Variants in DPYSL5 observed in about 807,000 individuals in gnomAD.
DPYSL5 encodes dihydropyrimidinase-related protein 5.
Under a neutral mutation model 58.4 loss-of-function variants are expected in DPYSL5, and 9 were observed. That is an observed-to-expected ratio of 0.15 (90% CI 0.09 to 0.27). DPYSL5 has a LOEUF of 0.27. Among genes scored for constraint, DPYSL5 ranks in the 10% least tolerant of loss-of-function variants. The pLI is 1.00. For synonymous variants in DPYSL5, 293 were observed against 301.9 expected (o/e 0.97, Z 0.31); for missense variants, 499 against 770.6 (o/e 0.65, Z 4.17).
At chr2:26,902,321 G>T (rs1664179739) in intron 2 of DPYSL5, among the ~76,000 whole-genome samples, 1 of 151,986 alleles carries the variant, frequency 6.6e-6, no homozygotes, top group African/African-American at 2.4e-5. Flanking sequence ...GTATTACAGA[G>T]TAAAGAATGT....
intron 1 of DPYSL5, among the ~76,000 whole-genome samples, chr2:26,859,898 T>C (rs1665967943): frequency 6.6e-6 from 1 of 152,218 alleles, no homozygotes; most frequent in African/African-American, 2.4e-5. Context: ...GAGATGGGCT[T>C]GAACCTCCTC....
At chr2:26,897,293 G>A (rs1421117927) in intron 1 of DPYSL5, among the ~76,000 whole-genome samples, 1 of 152,088 alleles carries the variant, frequency 6.6e-6, no homozygotes, top group African/African-American at 2.4e-5. Flanking sequence ...TTAGCTGTAG[G>A]TTTTTTTGTA....
Position 26,942,182 on chromosome 2 carries a change from C to T in DPYSL5, c.1232+90C>T, listed in dbSNP as rs569396889. The T allele has an allele frequency of 6.1e-5, 96 of 1,563,180 alleles. No individual in the cohort carries two copies. Among genetic ancestry groups the T allele is most frequent in the Non-Finnish European group, 8.1e-5 (94 of 1,154,408 alleles). On this transcript the variant is annotated intron_variant, in intron 10 of 12. Coordinates refer to ENST00000288699, the MANE Select transcript of DPYSL5 (RefSeq NM_020134.4). This position sits in a 1 kb window ranked among gnomAD's most constrained non-coding sequence, Gnocchi z 5.9. ...AGATCTCCAAAAGCATATAATTTTG[C>T]ACTATTTCTAGCACAAAATATGGCC...
At chr2:26,906,044 C>T (rs1333074910) in intron 2 of DPYSL5, among the ~76,000 whole-genome samples, 5 of 152,062 alleles carry the variant, frequency 3.3e-5, no homozygotes, top group Non-Finnish European at 4.4e-5. Flanking sequence ...CAGCCTGGGG[C>T]GGATCTCAGT....
chr2:26,869,378 A>C (rs1663199602), intron 1 of DPYSL5, among the ~76,000 whole-genome samples: 1 of 152,188 alleles, frequency 6.6e-6, no homozygotes, highest in African/African-American at 2.4e-5. Context: ...AGATTTTTAC[A>C]GTTGTGTAAC....
intron 2 of DPYSL5, among the ~76,000 whole-genome samples, chr2:26,906,928 G>GT (rs922729871): frequency 1.1e-4 from 16 of 151,492 alleles, no homozygotes; most frequent in Non-Finnish European, 1.0e-4. Flanking sequence ...GCCCAGCTAA[G>GT]TTTTTTATTT....
rs777111789 is a variant in DPYSL5, at chr2:26,927,390, A to C, written c.558A>C (p.Ala186=). 4.3e-6 allele frequency: 7 copies of C among 1,614,224 alleles called. No individual in the cohort carries two copies. The highest frequency in any genetic ancestry group is 3.3e-5 in the Admixed American group (2 of 60,032). The stretch of plus-strand genomic sequence containing the variant: ...TGCACGCTTGCAAGGACATTGGGGC[A>C]ATCGCCCGCGTCCATGCTGAAAATG... ...QVLHACKDIG[A]IARVHAENGE... Residue 186 remains alanine (A), a synonymous_variant, in exon 4 of 13, where the codon GCA becomes GCC. Transcript: ENST00000288699. This position sits in a 1 kb window ranked among gnomAD's most constrained non-coding sequence, Gnocchi z 4.3.
At chr2:26,931,735 A>C in intron 6 of DPYSL5, 51 bp downstream of exon 6, 1 of 1,601,294 alleles carries the variant, frequency 6.2e-7, no homozygotes, top group Non-Finnish European at 8.6e-7. Context: ...TTGGCCAGGC[A>C]CGGTGCTGAT....
intron 2 of DPYSL5, among the ~76,000 whole-genome samples, chr2:26,916,775 T>C (rs1301342563): frequency 6.6e-6 from 1 of 152,198 alleles, no homozygotes; most frequent in Admixed American, 6.5e-5. Context: ...AGGAATACTA[T>C]CTCTTGCTGC....
intron 3 of DPYSL5, among the ~76,000 whole-genome samples, chr2:26,926,921 A>G (rs1160514123): frequency 6.6e-6 from 1 of 152,230 alleles, no homozygotes; most frequent in African/African-American, 2.4e-5. Flanking sequence ...AGAAATTAAA[A>G]TCATTATTCC....
Position 26,927,146 on chromosome 2 carries a change from C to G in DPYSL5, c.421-107C>G. 8.2e-7 allele frequency: 1 copy of G among 1,225,462 alleles called. No homozygotes were observed. Among genetic ancestry groups the G allele is most frequent in the Non-Finnish European group, 1.1e-6 (1 of 888,706 alleles). 75.9% of individuals were successfully genotyped at this position (1,225,462 alleles called of 1,614,324 possible). A position where few individuals can be genotyped will look rare whatever the true frequency, so the allele number is the denominator to read the frequency against. On this transcript the variant is annotated intron_variant, in intron 3 of 12. Coordinates refer to ENST00000288699, the MANE Select transcript of DPYSL5 (RefSeq NM_020134.4). This position sits in a 1 kb window ranked among gnomAD's most constrained non-coding sequence, Gnocchi z 4.3. ...GAGGTGTGGGGGGTCAACCGACAGA[C>G]TGAGCTGGGGCAGGCCCCACATCTC...
In DPYSL5 at chr2:26,942,993, C is replaced by T. The variant is rs1229518543; in HGVS notation, c.1440+243C>T. Among the ~76,000 whole-genome samples, 1 of 152,170 alleles carries T rather than the reference C, an allele frequency of 6.6e-6. No individual in the cohort carries two copies. The highest frequency in any genetic ancestry group is 2.4e-5 in the African/African-American group (1 of 41,432). Reference sequence around the variant, plus strand: ...TTTTAAGTGGTCAGGCAGCAGGGCTCCTGAGTTGCTGAGGGCACAAGTGGG... The same window carrying T: ...TTTTAAGTGGTCAGGCAGCAGGGCTTCTGAGTTGCTGAGGGCACAAGTGGG... On this transcript the variant is annotated intron_variant, in intron 11 of 12. Transcript: ENST00000288699. This position sits in a 1 kb window ranked among gnomAD's most constrained non-coding sequence, Gnocchi z 5.9.
intron 1 of DPYSL5, among the ~76,000 whole-genome samples, chr2:26,886,769 C>G (rs979896166): frequency 1.3e-5 from 2 of 152,152 alleles, no homozygotes; most frequent in African/African-American, 4.8e-5. Context: ...AATCCCTTCC[C>G]TGAGTGACCC....
intron 11 of DPYSL5, among the ~76,000 whole-genome samples, chr2:26,943,145 A>G (rs1665370268): frequency 6.6e-6 from 1 of 151,998 alleles, no homozygotes; most frequent in Admixed American, 6.6e-5. Flanking sequence ...AGCGGGGGGT[A>G]GAGCTGGCAT....
chr2:26,882,413 TTG>T (rs1314817519), intron 1 of DPYSL5, among the ~76,000 whole-genome samples: 17 of 138,656 alleles, frequency 1.2e-4, no homozygotes, highest in African/African-American at 4.6e-4. Flanking sequence ...GCCCAGCTTA[TTG>T]TGTGTGTGTG....
intron 2 of DPYSL5, among the ~76,000 whole-genome samples, chr2:26,921,671 T>C (rs1664708218): frequency 6.6e-6 from 1 of 152,182 alleles, no homozygotes; most frequent in Non-Finnish European, 1.5e-5. Context: ...TGCTTGAACA[T>C]CAGTGTGTGG....
At chr2:26,883,723 T>C (rs1196597011) in intron 1 of DPYSL5, among the ~76,000 whole-genome samples, 1 of 152,116 alleles carries the variant, frequency 6.6e-6, no homozygotes, top group African/African-American at 2.4e-5. Flanking sequence ...TTATGTCTGC[T>C]CCTTCCCCTC....
chr2:26,880,552 C>T (rs1420634125), intron 1 of DPYSL5, among the ~76,000 whole-genome samples: 6 of 152,232 alleles, frequency 3.9e-5, no homozygotes, highest in Admixed American at 3.9e-4. Flanking sequence ...GCTGCATCCT[C>T]ATCCCAGCTT....
rs187482019 is a variant in DPYSL5 at position 26,910,545 on chromosome 2, T to C, written c.261+11785T>C. Among the ~76,000 whole-genome samples the C allele has an allele frequency of 9.0e-4, 137 of 152,180 alleles. 2 individuals carry two copies. The highest frequency in any genetic ancestry group is 2.2e-4 in the Non-Finnish European group (15 of 68,008). On this transcript the variant is annotated intron_variant, in intron 2 of 12. Transcript: ENST00000288699. ...AGTGTCTGCTCACACCTTTTACCCA[T>C]GTTTTAGTAAGTTGTTGGCTTTTAA...
Sources: allele counts gnomAD v4.1 joint callset (sites outside exome capture counted in the v4.1 genomes callset), GRCh38; gene constraint gnomAD v4.1.1; non-coding constraint Gnocchi (gnomAD v3.1); transcripts MANE v1.5; gene names NCBI Gene and HGNC (gene_info 2026-07-23, HGNC 2026-07-21).